MIPOL1: variants seen among roughly 807,000 people sequenced by gnomAD.
The protein encoded by MIPOL1 is mirror-image polydactyly gene 1 protein.
A neutral mutation model predicts 60.9 loss-of-function variants in MIPOL1; 57 were observed. The ratio of observed to expected loss-of-function variants is 0.94; its 90% CI spans 0.76 to 1.17. MIPOL1 has a LOEUF of 1.17. Ranked by LOEUF, MIPOL1 falls within the 50% of genes most tolerant of loss-of-function variation. The pLI is 0.00. For synonymous variants in MIPOL1, 179 were observed against 168.8 expected (o/e 1.06, Z -0.47); for missense variants, 551 against 511.6 (o/e 1.08, Z -0.74).
chr14:37,501,909 C>T (rs1594757891), intron 12 of MIPOL1: 2 of 152,426 alleles, frequency 1.3e-5, no homozygotes, highest in East Asian at 3.9e-4. Context: ...CTGTGCTTTT[C>T]CCACAGTCTT....
At chr14:37,273,999 A>G (rs908842587) in intron 6 of MIPOL1, among the ~76,000 whole-genome samples, 34 of 151,464 alleles carry the variant, frequency 2.2e-4, no homozygotes, top group African/African-American at 8.0e-4. Context: ...TTGGCTTTTA[A>G]TTAAAAATTA....
chr14:37,549,031 ATAT>A lies in MIPOL1; in HGVS notation c.*2064_*2066del, dbSNP rs1297543699. 6.6e-6 allele frequency: 1 copy of A among 151,950 alleles called. No homozygotes were observed. The highest frequency in any genetic ancestry group is 1.5e-5 in the Non-Finnish European group (1 of 67,846). The allele number at this position is 151,950 out of a possible 1,614,324, so 9.4% of individuals were successfully genotyped here. On this transcript the variant is annotated 3_prime_UTR_variant, in exon 13 of 13. Coordinates refer to ENST00000684589, the MANE Select transcript of MIPOL1 (RefSeq NM_001388067.1). ...TTCAAATGCAAAGTATTACAGCCAAATATTATCTTAATTAATTTCTTACACTTA... is the reference window on the plus strand; with the variant it reads ...TTCAAATGCAAAGTATTACAGCCAAATATCTTAATTAATTTCTTACACTTA...
chr14:37,270,638 C>A, intron 6 of MIPOL1, 113 bp downstream of exon 6: 23 of 312,546 alleles, frequency 7.4e-5, no homozygotes, highest in Admixed American at 1.7e-4. Context: ...AGGGGAAGCT[C>A]TCCTTTTTTT....
chr14:37,448,590 T>A (rs1399370879), intron 11 of MIPOL1, among the ~76,000 whole-genome samples: 1 of 152,196 alleles, frequency 6.6e-6, no homozygotes. Context: ...ACTGGCAGTT[T>A]TCAAAGACTT....
intron 1 of MIPOL1, among the ~76,000 whole-genome samples, chr14:37,213,082 G>C (rs976654515): frequency 2.0e-5 from 3 of 152,136 alleles, no homozygotes; most frequent in African/African-American, 7.2e-5. Flanking sequence ...TGTCTGGAAA[G>C]CCTTCCCAAG....
chr14:37,471,370 A>G (rs904994466), intron 11 of MIPOL1, among the ~76,000 whole-genome samples: 3 of 152,166 alleles, frequency 2.0e-5, no homozygotes, highest in African/African-American at 7.2e-5. Context: ...CTAAAAAAGT[A>G]AGTTCCTGGA....
intron 11 of MIPOL1, among the ~76,000 whole-genome samples, chr14:37,459,823 C>T (rs2094519336): frequency 6.6e-6 from 1 of 152,034 alleles, no homozygotes; most frequent in Non-Finnish European, 1.5e-5. Context: ...GCCTATAATC[C>T]CAGCACTTTA....
intron 11 of MIPOL1, among the ~76,000 whole-genome samples, chr14:37,440,480 T>C (rs2094224764): frequency 1.3e-5 from 2 of 152,176 alleles, no homozygotes; most frequent in African/African-American, 4.8e-5. Flanking sequence ...TCTATGTCCA[T>C]GGGTACACAT....
At chr14:37,368,844 T>C (rs2092557384) in intron 9 of MIPOL1, among the ~76,000 whole-genome samples, 1 of 152,068 alleles carries the variant, frequency 6.6e-6, no homozygotes, top group Admixed American at 6.5e-5. Context: ...AAACTTTAAC[T>C]TATTATTTTT....
intron 10 of MIPOL1, among the ~76,000 whole-genome samples, chr14:37,422,074 T>C (rs2093882504): frequency 6.6e-6 from 1 of 152,066 alleles, no homozygotes; most frequent in Non-Finnish European, 1.5e-5. Context: ...CAGTGCCAGA[T>C]TTTCAAAGTT....
intron 9 of MIPOL1, among the ~76,000 whole-genome samples, chr14:37,347,390 G>T (rs916143963): frequency 6.6e-6 from 1 of 152,096 alleles, no homozygotes. Flanking sequence ...GAGTAGATAC[G>T]GCTGAAGATA....
At chr14:37,526,728 C>T (rs546434012) in intron 12 of MIPOL1, among the ~76,000 whole-genome samples, 1 of 152,072 alleles carries the variant, frequency 6.6e-6, no homozygotes, top group East Asian at 1.9e-4. Flanking sequence ...TGTAAATGAG[C>T]AGTCTTCCTC....
At chr14:37,262,132 C>G (rs978144243) in intron 3 of MIPOL1, among the ~76,000 whole-genome samples, 1 of 151,804 alleles carries the variant, frequency 6.6e-6, no homozygotes, top group Non-Finnish European at 1.5e-5. Context: ...AGCTAACCCT[C>G]TATTCCACAG....
intron 5 of MIPOL1, 42 bp downstream of exon 5, chr14:37,268,835 G>C (rs779898397): frequency 2.9e-6 from 4 of 1,393,686 alleles, no homozygotes; most frequent in Non-Finnish European, 3.8e-6. Context: ...TATGGGTTTA[G>C]CTGTTGATCT....
intron 7 of MIPOL1, among the ~76,000 whole-genome samples, chr14:37,292,639 C>A (rs2085205827): frequency 6.6e-6 from 1 of 151,568 alleles, no homozygotes; most frequent in Non-Finnish European, 1.5e-5. Context: ...TGCCACCAGC[C>A]CCGGCTAATT....
chr14:37,525,513 C>A (rs535004376), intron 12 of MIPOL1, among the ~76,000 whole-genome samples: 36 of 152,212 alleles, frequency 2.4e-4, no homozygotes, highest in African/African-American at 8.7e-4. Context: ...GGCATATGAA[C>A]AATATTGTTC....
intron 11 of MIPOL1, among the ~76,000 whole-genome samples, chr14:37,469,395 G>A (rs566527968): frequency 1.3e-5 from 2 of 152,216 alleles, no homozygotes; most frequent in South Asian, 2.1e-4. Flanking sequence ...CACAAGAACA[G>A]CACCAAGGAG....
intron 11 of MIPOL1, among the ~76,000 whole-genome samples, chr14:37,471,461 G>A (rs1009229592): frequency 1.3e-5 from 2 of 152,138 alleles, no homozygotes; most frequent in African/African-American, 4.8e-5. Context: ...CTCAGAGGAG[G>A]GTGAGGTGAG....
Position 37,284,676 on chromosome 14 carries a change from T to A in MIPOL1, c.494-642T>A, listed in dbSNP as rs142767198. Among the ~76,000 whole-genome samples, 460 of 152,350 alleles carry A rather than the reference T, an allele frequency of 3.0e-3. 2 individuals carry two copies. Among genetic ancestry groups the A allele is most frequent in the African/African-American group, 0.011 (438 of 41,584 alleles). On this transcript the variant is annotated intron_variant, in intron 6 of 12. Coordinates refer to ENST00000684589, the MANE Select transcript of MIPOL1 (RefSeq NM_001388067.1). Reference sequence around the variant, plus strand: ...GTATTGTTTTTACTAATTGTGTCTATTCATAAATAGTTGGTAGAGTTGCTT... The same window carrying A: ...GTATTGTTTTTACTAATTGTGTCTAATCATAAATAGTTGGTAGAGTTGCTT...
Sources: gnomAD v4.1 joint callset for allele counts (sites outside exome capture counted in the v4.1 genomes callset) on GRCh38, gnomAD v4.1.1 for gene constraint, MANE v1.5 for transcripts, NCBI Gene and HGNC (gene_info 2026-07-23, HGNC 2026-07-21) for gene names.